Variants in CNTN5 observed in about 807,000 individuals in gnomAD.
CNTN5 encodes the protein contactin-5.
In CNTN5, 77 loss-of-function variants were observed where a neutral mutation model predicts 129.1. The ratio of observed to expected loss-of-function variants is 0.60; its 90% CI spans 0.50 to 0.72. The LOEUF is 0.72. Ranked by LOEUF, CNTN5 falls within the 30% of genes least tolerant of loss-of-function variation. The pLI, the probability that CNTN5 is intolerant of heterozygous loss-of-function variation, is 0.00. For synonymous variants in CNTN5, 509 were observed against 465.6 expected, an observed-to-expected ratio of 1.09 and a Z score of -1.20; for missense variants, 1,478 against 1,328.8, an observed-to-expected ratio of 1.11 and a Z score of -1.75.
intron 3 of CNTN5, among the ~76,000 whole-genome samples, 199 bp from the exon 4 acceptor site, chr11:99,819,342 CCTT>C (rs1946707648): frequency 8.1e-6 from 1 of 122,726 alleles, no homozygotes; most frequent in Admixed American, 9.0e-5. Context: ...CCCCTCCTTT[CCTT>C]AATATTATAG....
At chr11:100,101,896 C>T (rs1052554205) in intron 13 of CNTN5, among the ~76,000 whole-genome samples, 18 of 152,018 alleles carry the variant, frequency 1.2e-4, no homozygotes, top group East Asian at 5.8e-4. Context: ...CATGTTGCTG[C>T]GAAATATTAT....
At chr11:99,906,681 C>T (rs1949515442) in intron 6 of CNTN5, among the ~76,000 whole-genome samples, 1 of 151,986 alleles carries the variant, frequency 6.6e-6, no homozygotes, top group Non-Finnish European at 1.5e-5. Flanking sequence ...GAGAGGAGTC[C>T]CTCTTTTCTA....
At chr11:99,186,726 A>C (rs1858372255) in intron 1 of CNTN5, among the ~76,000 whole-genome samples, 2 of 152,094 alleles carry the variant, frequency 1.3e-5, no homozygotes, top group African/African-American at 4.8e-5. Flanking sequence ...AAAAGTGACC[A>C]CTTTCTCAAT....
chr11:99,192,244 ATAGT>A (rs1345121197), intron 1 of CNTN5, among the ~76,000 whole-genome samples: 1 of 151,852 alleles, frequency 6.6e-6, no homozygotes, highest in African/African-American at 2.4e-5. Context: ...ACTACTGTGA[ATAGT>A]TATATGCCAA....
intron 16 of CNTN5, among the ~76,000 whole-genome samples, chr11:100,232,875 C>T (rs1030363599): frequency 2.0e-5 from 3 of 152,146 alleles, no homozygotes; most frequent in Admixed American, 6.5e-5. Flanking sequence ...TTATCAGGTT[C>T]TTCCTATATG....
intron 13 of CNTN5, among the ~76,000 whole-genome samples, chr11:100,097,319 C>T (rs1158976472): frequency 1.3e-5 from 2 of 152,016 alleles, no homozygotes; most frequent in Non-Finnish European, 2.9e-5. Context: ...AATTCATGAA[C>T]CTGCCTCTCC....
intron 2 of CNTN5, among the ~76,000 whole-genome samples, chr11:99,490,477 T>C (rs1308673189): frequency 6.6e-6 from 1 of 152,202 alleles, no homozygotes; most frequent in Non-Finnish European, 1.5e-5. Context: ...TGTACTCTTC[T>C]TACTTTGTAA....
intron 1 of CNTN5, among the ~76,000 whole-genome samples, chr11:99,095,637 A>G (rs1199207891): frequency 6.6e-6 from 1 of 151,876 alleles, no homozygotes; most frequent in Non-Finnish European, 1.5e-5. Context: ...AGTGAGGGAA[A>G]CTAAGAGATG....
At chr11:99,097,405 G>A (rs1866522707) in intron 1 of CNTN5, among the ~76,000 whole-genome samples, 2 of 151,820 alleles carry the variant, frequency 1.3e-5, no homozygotes, top group Non-Finnish European at 1.5e-5. Context: ...CTCTAGGGCA[G>A]AATATATTTC....
chr11:100,069,200 T>C (rs1943807341), intron 10 of CNTN5, among the ~76,000 whole-genome samples: 1 of 152,178 alleles, frequency 6.6e-6, no homozygotes, highest in South Asian at 2.1e-4. Flanking sequence ...TCACCCAAAG[T>C]GGAATGCAAT....
At chr11:99,717,976 C>G (rs778701172) in intron 3 of CNTN5, among the ~76,000 whole-genome samples, 6 of 152,030 alleles carry the variant, frequency 3.9e-5, no homozygotes, top group Non-Finnish European at 7.4e-5. Flanking sequence ...GTCCTGCAGG[C>G]GTTTCATTGC....
At chr11:99,732,162 CA>C (rs1266168655) in intron 3 of CNTN5, among the ~76,000 whole-genome samples, 7 of 151,898 alleles carry the variant, frequency 4.6e-5, no homozygotes, top group Non-Finnish European at 1.0e-4. Context: ...AAGGTTTATG[CA>C]AAGAAGTTGT....
intron 3 of CNTN5, among the ~76,000 whole-genome samples, chr11:99,662,354 C>A (rs1490728270): frequency 6.6e-6 from 1 of 152,122 alleles, no homozygotes; most frequent in Non-Finnish European, 1.5e-5. Flanking sequence ...TGTAGACAAT[C>A]ATATTGAGAA....
intron 6 of CNTN5, among the ~76,000 whole-genome samples, chr11:99,905,665 A>C (rs1438601163): frequency 2.0e-5 from 3 of 152,090 alleles, no homozygotes; most frequent in Non-Finnish European, 4.4e-5. Context: ...AATTTTTTCT[A>C]AATGTGTGAA....
intron 3 of CNTN5, among the ~76,000 whole-genome samples, chr11:99,582,927 G>C (rs570940152): frequency 2.0e-5 from 3 of 152,244 alleles, no homozygotes; most frequent in South Asian, 4.1e-4. Flanking sequence ...TGGTTTTTCT[G>C]CTTTGTTTTT....
intron 1 of CNTN5, among the ~76,000 whole-genome samples, chr11:99,235,835 G>A (rs1263107577): frequency 6.6e-6 from 1 of 152,180 alleles, no homozygotes; most frequent in African/African-American, 2.4e-5. Flanking sequence ...CTTGAATAAA[G>A]TTTGGATTCC....
rs887872605 is a variant in CNTN5, at chr11:99,484,088, C to G, written c.-70-72057C>G. Among the ~76,000 whole-genome samples the G allele has an allele frequency of 4.6e-5, 7 of 151,914 alleles. No individual in the cohort carries two copies. The East Asian group carries it at 1.4e-3, about 29-fold the overall frequency. ...ATCTAACTAAAAAACGTCTACACAA[C>G]AAAGGAAACGGTCAATAGAATGAAA... On this transcript the variant is annotated intron_variant, in intron 2 of 24. Transcript: ENST00000524871.
chr11:99,523,559 C>CA (rs1340109544), intron 2 of CNTN5, among the ~76,000 whole-genome samples: 1 of 151,644 alleles, frequency 6.6e-6, no homozygotes, highest in Non-Finnish European at 1.5e-5. Flanking sequence ...CACTGCACTC[C>CA]AGCCTGGGTG....
chr11:99,655,562 C>G (rs1591431682), intron 3 of CNTN5, among the ~76,000 whole-genome samples: 1 of 152,226 alleles, frequency 6.6e-6, no homozygotes, highest in South Asian at 2.1e-4. Context: ...TCTTTGGAAG[C>G]AAACAGTTGC....
Sources: allele counts gnomAD v4.1 joint callset (sites outside exome capture counted in the v4.1 genomes callset), GRCh38; gene constraint gnomAD v4.1.1; transcripts MANE v1.5; gene names NCBI Gene and HGNC (gene_info 2026-07-23, HGNC 2026-07-21).